C12orf75: variants seen among roughly 807,000 people sequenced by gnomAD.
C12orf75 encodes the protein chromosome 12 open reading frame 75, also known as overexpressed in colon carcinoma 1 protein.
A neutral mutation model predicts 11.4 loss-of-function variants in C12orf75; 4 were observed. The ratio of observed to expected loss-of-function variants is 0.35; its 90% CI spans 0.17 to 0.80. C12orf75 has a LOEUF of 0.80. Among genes scored for constraint, C12orf75 ranks in the 30% least tolerant of loss-of-function variants. The probability of loss-of-function intolerance (pLI) is 0.52; values close to 1 mark genes in which losing one functional copy is unlikely to be tolerated. For synonymous variants in C12orf75, 30 were observed against 30.0 expected (o/e 1.00, Z 0.00); for missense variants, 89 against 80.4 (o/e 1.11, Z -0.41).
intron 2 of C12orf75, among the ~76,000 whole-genome samples, chr12:105,362,497 G>C (rs1389911702): frequency 6.8e-6 from 1 of 147,694 alleles, no homozygotes; most frequent in African/African-American, 2.5e-5. Context: ...GAAACCTCCT[G>C]TCTACTAAAA....
In C12orf75 at chr12:105,348,588, C is replaced by T. The variant is rs1214512527; in HGVS notation, c.47-14C>T. The T allele has an allele frequency of 6.6e-7, 1 of 1,526,274 alleles. No homozygotes were observed. The highest frequency in any genetic ancestry group is 8.8e-7 in the Non-Finnish European group (1 of 1,130,274). The allele number at this position is 1,526,274 out of a possible 1,614,324, so 94.5% of individuals were successfully genotyped here. On this transcript the variant is annotated splice_polypyrimidine_tract_variant and intron_variant, in intron 1 of 5. Coordinates refer to ENST00000443585, the MANE Select transcript of C12orf75 (RefSeq NM_001145199.2). The stretch of plus-strand genomic sequence containing the variant: ...TATCACACCAATACAAACCTATCTT[C>T]TTTTTTTCTCTAGGCCCTGCAGGAG...
At chr12:105,332,930 G>GA (rs35954124) in intron 1 of C12orf75, among the ~76,000 whole-genome samples, 18,882 of 123,370 alleles carry the variant, frequency 0.15, 1,366 homozygotes, top group Non-Finnish European at 0.18. Flanking sequence ...AAGTCATATT[G>GA]AAAAAAAAAA....
In C12orf75 at chr12:105,370,978, GT is replaced by G. The variant is rs1871609963; in HGVS notation, c.*383del. The G allele has an allele frequency of 4.8e-6, 1 of 207,148 alleles. No homozygotes were observed. Among genetic ancestry groups the G allele is most frequent in the Non-Finnish European group, 1.0e-5 (1 of 98,442 alleles). The allele number at this position is 207,148 out of a possible 1,614,324, so 12.8% of individuals were successfully genotyped here. ...TCTTTTCACTGATACTTTTTTGATA[GT>G]TTTTATATAACAAAATCCTTATTCT... On this transcript the variant is annotated 3_prime_UTR_variant, in exon 6 of 6. Coordinates refer to ENST00000443585, the MANE Select transcript of C12orf75 (RefSeq NM_001145199.2).
chr12:105,330,959 GGCCGGCGGGGGCGGGC>G, intron 1 of C12orf75, 22 bp downstream of exon 1: 1 of 1,206,906 alleles, frequency 8.3e-7, no homozygotes. Flanking sequence ...GGGAGGCGGG[GGCCGGCGGGGGCGGGC>G]GGGAGAGGCG....
At position 105,345,659 on chromosome 12, in the gene C12orf75, CTTTTT is replaced by C. The variant is rs771376717; in HGVS notation, c.47-2927_47-2923del. On this transcript the variant is annotated intron_variant, in intron 1 of 5. Transcript: ENST00000443585. The stretch of plus-strand genomic sequence containing the variant: ...TCCTGATCTTGAATTAGTGTCTGGC[CTTTTT>C]TTTTTTTTTTTTTTTGAGACAGAGT... Among the ~76,000 whole-genome samples, 6 of 73,496 alleles carry C rather than the reference CTTTTT, an allele frequency of 8.2e-5. No homozygotes were observed. In the East Asian group the frequency reaches 1.7e-3, roughly 20 times the overall value. The allele number at this position is 73,496 out of a possible 152,430, so 48.2% of individuals were successfully genotyped here.
chr12:105,331,723 A>C (rs945502301), intron 1 of C12orf75, among the ~76,000 whole-genome samples: 5 of 152,204 alleles, frequency 3.3e-5, no homozygotes, highest in Middle Eastern at 3.4e-3. Flanking sequence ...ACTTTTGCCA[A>C]AACTCACCCT....
chr12:105,352,373 A>G (rs1218244416), intron 2 of C12orf75, among the ~76,000 whole-genome samples: 1 of 152,088 alleles, frequency 6.6e-6, no homozygotes, highest in Admixed American at 6.6e-5. Flanking sequence ...TAAGGAATGG[A>G]GGGATGTTGG....
chr12:105,340,439 A>AAG (rs1286340809), intron 1 of C12orf75, among the ~76,000 whole-genome samples: 3 of 151,840 alleles, frequency 2.0e-5, no homozygotes, highest in Non-Finnish European at 4.4e-5. Flanking sequence ...CCAAAAAAAA[A>AAG]AAAAAAAAAA....
At chr12:105,370,506 G>C (rs564022246) in intron 5 of C12orf75, 128 bp from the exon 6 acceptor site, 1 of 434,750 alleles carries the variant, frequency 2.3e-6, no homozygotes. Context: ...AATTAATATT[G>C]GGTGAATATT....
At chr12:105,349,743 G>T (rs1020917115) in intron 2 of C12orf75, among the ~76,000 whole-genome samples, 2 of 152,116 alleles carry the variant, frequency 1.3e-5, no homozygotes, top group Non-Finnish European at 2.9e-5. Flanking sequence ...CAGGCATGGT[G>T]GTGGGCCCCT....
chr12:105,367,913 G>A (rs1749097089), intron 5 of C12orf75, among the ~76,000 whole-genome samples: 1 of 152,148 alleles, frequency 6.6e-6, no homozygotes, highest in African/African-American at 2.4e-5. Context: ...AATATACAGA[G>A]AGGAGATGTG....
At chr12:105,343,174 CT>C (rs1177811245) in intron 1 of C12orf75, among the ~76,000 whole-genome samples, 1 of 152,150 alleles carries the variant, frequency 6.6e-6, no homozygotes, top group East Asian at 1.9e-4. Flanking sequence ...GTCATTAAAT[CT>C]TTTGACCCCC....
chr12:105,343,826 T>C (rs975957444), intron 1 of C12orf75, among the ~76,000 whole-genome samples: 2 of 152,124 alleles, frequency 1.3e-5, no homozygotes, highest in African/African-American at 4.8e-5. Context: ...AGATGCACAT[T>C]TTCCTATTAA....
At chr12:105,333,038 G>C (rs183766636) in intron 1 of C12orf75, among the ~76,000 whole-genome samples, 3 of 152,202 alleles carry the variant, frequency 2.0e-5, no homozygotes, top group Admixed American at 2.0e-4. Flanking sequence ...CTTGCTGTTT[G>C]CCAAAAATTA....
chr12:105,340,336 A>G (rs1197203891), intron 1 of C12orf75, among the ~76,000 whole-genome samples: 1 of 151,388 alleles, frequency 6.6e-6, no homozygotes, highest in Non-Finnish European at 1.5e-5. Flanking sequence ...GAGGCAGGAG[A>G]ATCGCTTCGA....
chr12:105,332,281 T>A (rs966868487), intron 1 of C12orf75, among the ~76,000 whole-genome samples: 1 of 151,986 alleles, frequency 6.6e-6, no homozygotes, highest in Non-Finnish European at 1.5e-5. Flanking sequence ...TTAAAAAAGG[T>A]GAAGAAAAGT....
chr12:105,331,569 T>C (rs531902812), intron 1 of C12orf75, among the ~76,000 whole-genome samples: 1 of 148,836 alleles, frequency 6.7e-6, no homozygotes, highest in African/African-American at 2.5e-5. Context: ...TTATTAACAG[T>C]CTGTTAAGAT....
chr12:105,350,200 G>A (rs1038655811), intron 2 of C12orf75, among the ~76,000 whole-genome samples: 2 of 152,174 alleles, frequency 1.3e-5, no homozygotes, highest in African/African-American at 4.8e-5. Context: ...GCACTGCCCT[G>A]CACTTGCATA....
chr12:105,351,604 C>G (rs1240416921), intron 2 of C12orf75, among the ~76,000 whole-genome samples: 1 of 152,028 alleles, frequency 6.6e-6, no homozygotes, highest in South Asian at 2.1e-4. Context: ...GAATTTAATG[C>G]TGGTCTTGGA....
Sources: gnomAD v4.1 joint callset for allele counts (sites outside exome capture counted in the v4.1 genomes callset) on GRCh38, gnomAD v4.1.1 for gene constraint, MANE v1.5 for transcripts, NCBI Gene and HGNC (gene_info 2026-07-23, HGNC 2026-07-21) for gene names.